Variants in OTOP3 observed in about 807,000 individuals in gnomAD.
The protein encoded by OTOP3 is otopetrin 3, also known as proton channel OTOP3.
In OTOP3, 41 loss-of-function variants were observed where a neutral mutation model predicts 50.8. The ratio of observed to expected loss-of-function variants is 0.81; its 90% confidence interval spans 0.63 to 1.05. OTOP3 has a LOEUF of 1.05. Among genes scored for constraint, OTOP3 ranks in the 50% least tolerant of loss-of-function variants. The pLI, the probability that OTOP3 is intolerant of heterozygous loss-of-function variation, is 0.00. For missense variants in OTOP3, 788 were observed against 760.8 expected, an observed-to-expected ratio of 1.04 and a Z score of -0.42; for synonymous variants, 320 against 324.4, an observed-to-expected ratio of 0.99 and a Z score of 0.14.
intron 1 of OTOP3, among the ~76,000 whole-genome samples, chr17:74,939,125 G>A (rs1231258620): frequency 6.6e-6 from 1 of 152,178 alleles, no homozygotes; most frequent in Non-Finnish European, 1.5e-5. Flanking sequence ...AGTGAGCTAT[G>A]ATGGTGCCAC....
At chr17:74,942,816 G>T (rs550415428) in intron 3 of OTOP3, among the ~76,000 whole-genome samples, 55 of 146,626 alleles carry the variant, frequency 3.8e-4, no homozygotes, top group South Asian at 2.0e-3. Flanking sequence ...GTGGTGGCAG[G>T]CGCCTGTAGT....
intron 1 of OTOP3, among the ~76,000 whole-genome samples, chr17:74,940,532 G>A (rs1004840983): frequency 6.6e-6 from 1 of 152,172 alleles, no homozygotes; most frequent in Non-Finnish European, 1.5e-5. Flanking sequence ...CAGGAGGTAA[G>A]TGATGGGGAG....
chr17:74,943,192 C>T, intron 3 of OTOP3, 94 bp from the exon 4 acceptor site: 1 of 1,108,642 alleles, frequency 9.0e-7, no homozygotes, highest in South Asian at 1.3e-5. Flanking sequence ...CTCCCTGTGT[C>T]TTTCACTGTA....
chr17:74,948,907 G>T (rs2039254546), intron 6 of OTOP3, among the ~76,000 whole-genome samples: 1 of 152,308 alleles, frequency 6.6e-6, no homozygotes, highest in Non-Finnish European at 1.5e-5. Flanking sequence ...AGGGTACAGG[G>T]TGGGGGTGCC....
intron 1 of OTOP3, among the ~76,000 whole-genome samples, chr17:74,940,163 G>A (rs1186148530): frequency 5.1e-5 from 7 of 138,310 alleles, no homozygotes; most frequent in African/African-American, 1.4e-4. Context: ...GGTTTTTTTC[G>A]GCTTTTTTGT....
At chr17:74,948,934 G>T (rs1598609595) in intron 6 of OTOP3, among the ~76,000 whole-genome samples, 1 of 152,364 alleles carries the variant, frequency 6.6e-6, no homozygotes, top group East Asian at 1.9e-4. Flanking sequence ...GACAGAGCAG[G>T]TGGCGCGCTG....
intron 3 of OTOP3, among the ~76,000 whole-genome samples, chr17:74,942,888 T>C (rs1268177926): frequency 6.6e-6 from 1 of 152,100 alleles, no homozygotes; most frequent in East Asian, 1.9e-4. Flanking sequence ...GATCTTGCAG[T>C]GAGCCGAGAT....
In OTOP3 at chr17:74,941,471, A is replaced by G. The variant is rs1278109393; in HGVS notation, c.98A>G (p.Asp33Gly). The change falls in exon 2 of 7, where the codon GAT becomes GGT. Residue 33 changes from aspartate (D) to glycine (G), a missense_variant. Transcript: ENST00000328801. ...GCCCCGGAGAAGGAGAACCGAGTGGATGTGGGGGCCGAGGAGAGAGCGGCC... is the reference window on the plus strand; with the variant it reads ...GCCCCGGAGAAGGAGAACCGAGTGGGTGTGGGGGCCGAGGAGAGAGCGGCC... ...EAAPEKENRV[D>G]VGAEERAAAT... 5 of 1,606,878 alleles carry G rather than the reference A, an allele frequency of 3.1e-6. No individual in the cohort carries two copies. The highest frequency in any genetic ancestry group is 1.7e-6 in the Non-Finnish European group (2 of 1,176,130).
chr17:74,936,204 T>C (rs1030720508), intron 1 of OTOP3, among the ~76,000 whole-genome samples: 1 of 67,900 alleles, frequency 1.5e-5, no homozygotes, highest in African/African-American at 6.5e-5. Flanking sequence ...CCCGGCCGGG[T>C]CCACACAGCA....
chr17:74,942,775 AC>A (rs2144783613), intron 3 of OTOP3, among the ~76,000 whole-genome samples: 2 of 151,604 alleles, frequency 1.3e-5, no homozygotes, highest in South Asian at 4.2e-4. Flanking sequence ...CCCTGTCTCT[AC>A]CAAAAATACA....
chr17:74,946,237 C>T (rs933334600), intron 5 of OTOP3, among the ~76,000 whole-genome samples: 2 of 152,172 alleles, frequency 1.3e-5, no homozygotes, highest in African/African-American at 2.4e-5. Flanking sequence ...CTCAGCCTCC[C>T]AAAGTGTTGG....
chr17:74,947,487 G>A lies in OTOP3; in HGVS notation c.1566+12G>A, dbSNP rs1390152942. The A allele has an allele frequency of 6.3e-7, 1 of 1,581,342 alleles. No individual in the cohort carries two copies. The highest frequency in any genetic ancestry group is 8.6e-7 in the Non-Finnish European group (1 of 1,162,608). On this transcript the variant is annotated intron_variant, in intron 6 of 6. Transcript: ENST00000328801. ...TCTGCAATATCACAGTAAGTGGCTG[G>A]GCTAAGGGGCCTGGAGGGTAGAGGT...
At position 74,947,275 on chromosome 17, in the gene OTOP3, C is replaced by A. The variant is rs368282105; in HGVS notation, c.1366C>A (p.Arg456=). 5 of 1,613,392 alleles carry A rather than the reference C, an allele frequency of 3.1e-6. No individual in the cohort carries two copies. The African/African-American group carries it at 6.7e-5, about 22-fold the overall frequency. Residue 456 remains arginine (R), a synonymous_variant, in exon 6 of 7, where the codon CGG becomes AGG. Coordinates refer to ENST00000328801, the MANE Select transcript of OTOP3 (RefSeq NM_001272005.2). ...CCTCTTCATCATCGAGGGCCTGCAC[C>A]GGCGCCCACTCTGGGAGACAGTTCC... The part of the protein sequence containing the change: ...QNLFIIEGLH[R]RPLWETVPEG...
chr17:74,936,128 G>A (rs2039112437), intron 1 of OTOP3, among the ~76,000 whole-genome samples, 188 bp downstream of exon 1: 1 of 152,198 alleles, frequency 6.6e-6, no homozygotes, highest in Non-Finnish European at 1.5e-5. Flanking sequence ...CCCGCAACCC[G>A]CGCTCCGCGC....
Position 74,946,847 on chromosome 17 carries a change from C to G in OTOP3, c.938C>G (p.Pro313Arg), listed in dbSNP as rs754439446. Residue 313 changes from proline (P) to arginine (R), a missense_variant, in exon 6 of 7, where the codon CCC becomes CGC. By Grantham distance (103) the Pro-to-Arg change is moderately radical. Coordinates refer to ENST00000328801, the MANE Select transcript of OTOP3 (RefSeq NM_001272005.2). ...ATGGGTGCCCACCCTGCCACCGCAC[C>G]CTTCCACCTGCACGGGGCCATCTTC... The part of the protein sequence containing the change: ...PHMGAHPATA[P>R]FHLHGAIFGP... The G allele has an allele frequency of 1.3e-5, 21 of 1,610,780 alleles. No individual in the cohort carries two copies. The highest frequency in any genetic ancestry group is 1.6e-4 in the Middle Eastern group (1 of 6,084).
At position 74,949,262 on chromosome 17, in the gene OTOP3, C is replaced by A; in HGVS notation, c.1583C>A (p.Ala528Glu). 1 of 1,614,014 alleles carries A rather than the reference C, an allele frequency of 6.2e-7. No homozygotes were observed. The highest frequency in any genetic ancestry group is 8.5e-7 in the Non-Finnish European group (1 of 1,179,954). The change falls in exon 7 of 7, where the codon GCA (alanine) becomes GAA (glutamate). Residue 528 changes from alanine (A) to glutamate (E), a missense_variant. Transcript: ENST00000328801. Reference sequence around the variant, plus strand: ...CTTCCCCAGCTGTGGATGATGCCTGCATTTGGCATACACCCGGAGTTTGAG... The same window carrying A: ...CTTCCCCAGCTGTGGATGATGCCTGAATTTGGCATACACCCGGAGTTTGAG... ...LCNITLWMMP[A>E]FGIHPEFENG...
In OTOP3 at chr17:74,941,753, G is replaced by A. The variant is rs543560566; in HGVS notation, c.380G>A (p.Arg127His). ...CTCTACTATGTGGCAAGCACCACCCGCCGACCACACGCCGTGCTCTACCAA... is the reference window on the plus strand; with the variant it reads ...CTCTACTATGTGGCAAGCACCACCCACCGACCACACGCCGTGCTCTACCAA... ...WLLYYVASTT[R>H]RPHAVLYQDP... The change falls in exon 2 of 7, where the codon CGC (arginine) becomes CAC (histidine). Residue 127 changes from arginine (R) to histidine (H), a missense_variant. Arg to His is a conservative substitution (Grantham distance 29). Coordinates refer to ENST00000328801, the MANE Select transcript of OTOP3 (RefSeq NM_001272005.2). The A allele has an allele frequency of 1.1e-5, 18 of 1,613,360 alleles. No individual in the cohort carries two copies. Among genetic ancestry groups the A allele is most frequent in the African/African-American group, 1.3e-5 (1 of 74,966 alleles).
Position 74,947,217 on chromosome 17 carries a change from G to C in OTOP3, c.1308G>C (p.Ser436=). The C allele has an allele frequency of 6.2e-7, 1 of 1,613,878 alleles. No homozygotes were observed. Among genetic ancestry groups the C allele is most frequent in the Non-Finnish European group, 8.5e-7 (1 of 1,180,010 alleles). The change falls in exon 6 of 7, where the codon TCG becomes TCC. Residue 436 remains serine, a synonymous_variant. Transcript: ENST00000328801. Reference sequence around the variant, plus strand: ...TCAACCGCCTCATCCTGGCCTACTCGCTGCTGCTCATCCTGCAGCACATCG... The same window carrying C: ...TCAACCGCCTCATCCTGGCCTACTCCCTGCTGCTCATCCTGCAGCACATCG... ...ELLNRLILAY[S]LLLILQHIAQ... is the part of the protein sequence containing the mutation.
intron 1 of OTOP3, among the ~76,000 whole-genome samples, chr17:74,939,082 G>A (rs2039146349): frequency 6.6e-6 from 1 of 152,186 alleles, no homozygotes; most frequent in African/African-American, 2.4e-5. Flanking sequence ...GCTGAATCGG[G>A]AGGATCACTT....
Sources: gnomAD v4.1 joint callset for allele counts (sites outside exome capture counted in the v4.1 genomes callset) on GRCh38, gnomAD v4.1.1 for gene constraint, MANE v1.5 for transcripts, NCBI Gene and HGNC (gene_info 2026-07-23, HGNC 2026-07-21) for gene names.